DIAPH2: variants seen among roughly 807,000 people sequenced by gnomAD.
DIAPH2 encodes diaphanous related formin 2.
A neutral mutation model predicts 92.7 loss-of-function variants in DIAPH2; 35 were observed. That is an observed-to-expected ratio of 0.38 (90% CI 0.29 to 0.50). The LOEUF (loss-of-function observed/expected upper bound fraction) is 0.50. Ranked by LOEUF, DIAPH2 falls within the 20% of genes least tolerant of loss-of-function variation. DIAPH2 has a pLI of 0.94. For synonymous variants in DIAPH2, 301 were observed against 280.4 expected, an observed-to-expected ratio of 1.07 and a Z score of -0.73; for missense variants, 701 against 819.5, an observed-to-expected ratio of 0.86 and a Z score of 1.77.
intron 24 of DIAPH2, among the ~76,000 whole-genome samples, chrX:97,375,320 G>A (rs1248632941): frequency 3.6e-5 from 4 of 111,267 alleles, no homozygotes; most frequent in Non-Finnish European, 5.7e-5. Flanking sequence ...CCTGGGCGTC[G>A]TGGTGGGCAC....
intron 17 of DIAPH2, among the ~76,000 whole-genome samples, chrX:96,999,282 A>C (rs1039598680): frequency 9.0e-6 from 1 of 110,503 alleles, no homozygotes; most frequent in African/African-American, 3.3e-5. Flanking sequence ...TGGGAGGCCG[A>C]GGTGGGCATA....
intron 19 of DIAPH2, among the ~76,000 whole-genome samples, chrX:97,082,451 C>T (rs2066753366): frequency 9.7e-6 from 1 of 102,913 alleles, no homozygotes; most frequent in African/African-American, 3.6e-5. Context: ...GAAACCCCGA[C>T]TCTACTAAAA....
intron 4 of DIAPH2, among the ~76,000 whole-genome samples, chrX:96,767,490 T>G (rs982760634): frequency 8.9e-6 from 1 of 111,997 alleles, no homozygotes; most frequent in Non-Finnish European, 1.9e-5. Flanking sequence ...TGTTTATGTT[T>G]AATATATTTA....
chrX:96,827,846 G>C (rs1227327047), intron 4 of DIAPH2, among the ~76,000 whole-genome samples: 10 of 111,780 alleles, frequency 8.9e-5, no homozygotes, highest in Non-Finnish European at 5.6e-5. Context: ...GTTTTGGACC[G>C]AGTTTCACTC....
chrX:97,285,489 GT>G (rs2068534726), intron 23 of DIAPH2, among the ~76,000 whole-genome samples: 1 of 108,285 alleles, frequency 9.2e-6, no homozygotes, highest in South Asian at 4.0e-4. Context: ...ACATCAATAT[GT>G]CAGGATGGAT....
intron 23 of DIAPH2, among the ~76,000 whole-genome samples, chrX:97,250,922 T>A (rs1348796586): frequency 9.0e-6 from 1 of 111,442 alleles, no homozygotes; most frequent in African/African-American, 3.3e-5. Context: ...AAAGTAAACA[T>A]CAGAAAAAAC....
At position 96,763,430 on chromosome X, in the gene DIAPH2, A is replaced by G. The variant is rs1307010763; in HGVS notation, c.447+5172A>G. Among the ~76,000 whole-genome samples the G allele has an allele frequency of 2.7e-5, 3 of 111,126 alleles. No individual in the cohort carries two copies. In the Admixed American group the frequency reaches 2.9e-4, roughly 11 times the overall value. ...TGATGAAATTGTATGTTTTACCTCA[A>G]TTTATCAGGAGGAGAATCCTAAAAT... On this transcript the variant is annotated intron_variant, in intron 4 of 26. Coordinates refer to ENST00000324765, the MANE Select transcript of DIAPH2 (RefSeq NM_006729.5).
chrX:97,176,315 C>G (rs184513204), intron 22 of DIAPH2, among the ~76,000 whole-genome samples: 228 of 111,479 alleles, frequency 2.0e-3, no homozygotes, highest in Non-Finnish European at 3.3e-3. Context: ...TATATCTTTA[C>G]TCTTTCTCTT....
chrX:96,871,465 G>A (rs946805385), intron 4 of DIAPH2, among the ~76,000 whole-genome samples: 6 of 43,012 alleles, frequency 1.4e-4, no homozygotes, highest in South Asian at 1.7e-3. Flanking sequence ...GCGAGACTCC[G>A]TCTCAAAAAA....
intron 19 of DIAPH2, among the ~76,000 whole-genome samples, chrX:97,092,254 A>G (rs2066831283): frequency 8.9e-6 from 1 of 112,875 alleles, no homozygotes; most frequent in African/African-American, 3.2e-5. Context: ...ATATTTTTAA[A>G]GAAGTCTATT....
At chrX:97,138,572 C>T (rs2067188661) in intron 21 of DIAPH2, among the ~76,000 whole-genome samples, 1 of 111,703 alleles carries the variant, frequency 9.0e-6, no homozygotes, top group Non-Finnish European at 1.9e-5. Context: ...CTGATGATTG[C>T]ACCTGATCAG....
chrX:97,568,799 A>G (rs1000775979), intron 26 of DIAPH2, among the ~76,000 whole-genome samples: 10 of 112,079 alleles, frequency 8.9e-5, no homozygotes, highest in African/African-American at 3.2e-4. Context: ...TGTGGCTTGC[A>G]TGAGTAAGAA....
intron 12 of DIAPH2, among the ~76,000 whole-genome samples, chrX:96,940,357 A>C (rs1201023498): frequency 1.8e-5 from 2 of 112,163 alleles, no homozygotes; most frequent in Non-Finnish European, 3.8e-5. Context: ...GAATCTAGTT[A>C]ACTGGGAATA....
intron 26 of DIAPH2, among the ~76,000 whole-genome samples, chrX:97,594,548 G>A (rs979840597): frequency 8.9e-6 from 1 of 112,451 alleles, no homozygotes; most frequent in African/African-American, 3.2e-5. Flanking sequence ...AAGTTTTCTT[G>A]GTTTCCTTAG....
chrX:97,596,007 A>G (rs755606975), intron 26 of DIAPH2, among the ~76,000 whole-genome samples: 8 of 112,279 alleles, frequency 7.1e-5, no homozygotes, highest in African/African-American at 2.6e-4. Flanking sequence ...TCATAGTATC[A>G]GAATCTATTC....
intron 26 of DIAPH2, among the ~76,000 whole-genome samples, chrX:97,521,724 G>T (rs900688474): frequency 2.7e-5 from 3 of 111,457 alleles, no homozygotes; most frequent in African/African-American, 6.5e-5. Context: ...AGCCACAATT[G>T]TAAGTCTCCT....
At chrX:97,015,276 G>A (rs2066252587) in intron 17 of DIAPH2, among the ~76,000 whole-genome samples, 2 of 111,454 alleles carry the variant, frequency 1.8e-5, no homozygotes, top group South Asian at 7.5e-4. Context: ...TGTTATATGG[G>A]AACCAATTAA....
At chrX:97,149,617 G>C (rs1396585700) in intron 22 of DIAPH2, among the ~76,000 whole-genome samples, 2 of 106,066 alleles carry the variant, frequency 1.9e-5, no homozygotes, top group African/African-American at 3.4e-5. Flanking sequence ...TGTAGTCCCA[G>C]CTACTCAGGA....
chrX:96,763,885 C>T (rs931703270), intron 4 of DIAPH2, among the ~76,000 whole-genome samples: 1 of 110,017 alleles, frequency 9.1e-6, no homozygotes, highest in East Asian at 2.8e-4. Context: ...TTAACATCAC[C>T]GAGTACTGAG....
Sources: allele counts gnomAD v4.1 joint callset (sites outside exome capture counted in the v4.1 genomes callset), GRCh38; gene constraint gnomAD v4.1.1; transcripts MANE v1.5; gene names NCBI Gene and HGNC (gene_info 2026-07-23, HGNC 2026-07-21).